The following ANO4 variants were observed in gnomAD, a reference collection of about 807,000 sequenced individuals.
ANO4 encodes the protein anoctamin 4, also known as anoctamin-4.
In ANO4, 69 loss-of-function variants were observed where a neutral mutation model predicts 141.9. The ratio of observed to expected loss-of-function variants is 0.49; its 90% CI spans 0.40 to 0.59. The LOEUF (loss-of-function observed/expected upper bound fraction) is 0.59, where lower values mean the gene tolerates loss of function less well. ANO4 is among the 20% of genes least tolerant of loss of function. The probability of loss-of-function intolerance (pLI) is 0.00; values close to 1 mark genes in which losing one functional copy is unlikely to be tolerated. For synonymous variants in ANO4, 350 were observed against 394.3 expected, an observed-to-expected ratio of 0.89 and a Z score of 1.33; for missense variants, 894 against 1,162.2, an observed-to-expected ratio of 0.77 and a Z score of 3.36.
At chr12:100,872,298 TG>T (rs200430017) in intron 1 of ANO4, among the ~76,000 whole-genome samples, 1,911 of 152,326 alleles carry the variant, frequency 0.013, 15 homozygotes, top group Middle Eastern at 0.024. Flanking sequence ...TGATGGATCC[TG>T]TCATAGTCAG....
intron 1 of ANO4, among the ~76,000 whole-genome samples, chr12:100,807,619 A>G (rs2035140538): frequency 6.6e-6 from 1 of 152,108 alleles, no homozygotes; most frequent in South Asian, 2.1e-4. Context: ...TTGCATAGGT[A>G]AACGTGTGCC....
chr12:100,731,821 T>G (rs2031392215), intron 1 of ANO4, among the ~76,000 whole-genome samples: 1 of 152,260 alleles, frequency 6.6e-6, no homozygotes, highest in African/African-American at 2.4e-5. Context: ...TTTCATGACC[T>G]GATAGCTCAT....
At chr12:100,739,229 A>C (rs2135465434) in intron 2 of ANO4, among the ~76,000 whole-genome samples, 1 of 151,902 alleles carries the variant, frequency 6.6e-6, no homozygotes, top group East Asian at 1.9e-4. Flanking sequence ...TTCACTTAGC[A>C]TAATATTCCC....
chr12:101,014,594 G>A (rs932796689), intron 8 of ANO4, among the ~76,000 whole-genome samples: 2 of 152,150 alleles, frequency 1.3e-5, no homozygotes, highest in Non-Finnish European at 2.9e-5. Context: ...AGAAAATTTG[G>A]AGCAAAACAG....
At chr12:100,922,918 T>C (rs647225) in intron 3 of ANO4, among the ~76,000 whole-genome samples, 43,963 of 151,998 alleles carry the variant, frequency 0.29, 7,376 homozygotes, top group Admixed American at 0.43. Context: ...TTTACTCAAG[T>C]TAAATATTTA....
At chr12:100,999,210 G>A (rs1267425201) in intron 8 of ANO4, among the ~76,000 whole-genome samples, 1 of 152,198 alleles carries the variant, frequency 6.6e-6, no homozygotes, top group Admixed American at 6.5e-5. Context: ...AGCTAATTAA[G>A]GTATGTCAAG....
chr12:100,838,478 T>G (rs1340325208), intron 1 of ANO4, among the ~76,000 whole-genome samples: 2 of 151,910 alleles, frequency 1.3e-5, no homozygotes, highest in Non-Finnish European at 2.9e-5. Context: ...GAATAAGAAG[T>G]CCACAGGGCC....
At chr12:101,000,961 A>T (rs1299013918) in intron 8 of ANO4, among the ~76,000 whole-genome samples, 3 of 151,242 alleles carry the variant, frequency 2.0e-5, no homozygotes, top group African/African-American at 7.4e-5. Flanking sequence ...TCATTTAACA[A>T]ACACTTTCAA....
intron 3 of ANO4, among the ~76,000 whole-genome samples, chr12:100,759,552 A>G (rs1233315835): frequency 1.3e-5 from 2 of 152,226 alleles, no homozygotes; most frequent in Admixed American, 6.5e-5. Flanking sequence ...GTAAGACCCG[A>G]GAACCCTCCC....
rs1052772562 is a variant in ANO4, at chr12:100,748,931, A to G, written c.358+8826A>G. On this transcript the variant is annotated intron_variant, in intron 3 of 29. Transcript: ENST00000644049. Reference sequence around the variant, plus strand: ...GAATAAATTTTCCGGTTTGGTTTATATGGAGTGTGAATATGAGGGTTAACT... The same window carrying G: ...GAATAAATTTTCCGGTTTGGTTTATGTGGAGTGTGAATATGAGGGTTAACT... Among the ~76,000 whole-genome samples the G allele has an allele frequency of 7.2e-5, 11 of 152,116 alleles. 1 individual carries two copies. The highest frequency in any genetic ancestry group is 1.3e-4 in the Non-Finnish European group (9 of 68,026).
chr12:101,043,332 A>G (rs2047485975), intron 12 of ANO4, among the ~76,000 whole-genome samples: 1 of 152,270 alleles, frequency 6.6e-6, no homozygotes, highest in African/African-American at 2.4e-5. Context: ...ATTAATACAT[A>G]AAGATAAGGA....
intron 3 of ANO4, among the ~76,000 whole-genome samples, chr12:100,770,677 A>G (rs2033260159): frequency 6.6e-6 from 1 of 152,122 alleles, no homozygotes; most frequent in African/African-American, 2.4e-5. Context: ...CTCTGAGCTC[A>G]TATTTAACCC....
chr12:100,726,960 A>ACCCC (rs535734069), intron 1 of ANO4, among the ~76,000 whole-genome samples: 4 of 141,826 alleles, frequency 2.8e-5, no homozygotes, highest in East Asian at 2.3e-4. Flanking sequence ...TTGCCCCGGG[A>ACCCC]CCCCCCCCGC....
intron 1 of ANO4, among the ~76,000 whole-genome samples, chr12:100,822,835 A>G (rs138085987): frequency 2.1e-3 from 315 of 152,060 alleles, no homozygotes; most frequent in Non-Finnish European, 3.3e-3. Context: ...CCTTTGTGGT[A>G]ACTTTAGGAT....
At chr12:100,767,493 C>T (rs1405300471) in intron 3 of ANO4, among the ~76,000 whole-genome samples, 2 of 152,088 alleles carry the variant, frequency 1.3e-5, no homozygotes, top group East Asian at 3.9e-4. Flanking sequence ...ATAAGGGTTA[C>T]CTGAACACAA....
At chr12:100,763,775 A>G (rs779711851) in intron 3 of ANO4, among the ~76,000 whole-genome samples, 2 of 152,208 alleles carry the variant, frequency 1.3e-5, no homozygotes, top group African/African-American at 2.4e-5. Flanking sequence ...CCATTCATCT[A>G]TCAATCCTTC....
chr12:100,733,831 A>C, exon 2 of ANO4: 1 of 702,256 alleles, frequency 1.4e-6, no homozygotes, highest in South Asian at 1.5e-5. Flanking sequence ...GGCAGCTACT[A>C]CAGTTGTGTC....
chr12:100,733,792 G>T (rs1192452370), exon 2 of ANO4: 8 of 701,964 alleles, frequency 1.1e-5, no homozygotes, highest in Non-Finnish European at 1.8e-5. Context: ...GTGAGCAGCG[G>T]AAGTTATAAC....
intron 1 of ANO4, among the ~76,000 whole-genome samples, chr12:100,819,311 G>A (rs1355787680): frequency 6.6e-6 from 1 of 151,680 alleles, no homozygotes; most frequent in African/African-American, 2.4e-5. Context: ...TTCAGTAAAG[G>A]GACAGTTTAC....
Sources: gnomAD v4.1 joint callset for allele counts (sites outside exome capture counted in the v4.1 genomes callset) on GRCh38, gnomAD v4.1.1 for gene constraint, MANE v1.5 for transcripts, NCBI Gene and HGNC (gene_info 2026-07-23, HGNC 2026-07-21) for gene names.